Variants in DTNB observed in about 807,000 individuals in gnomAD.
The protein encoded by DTNB is dystrobrevin beta.
Under a neutral mutation model 90.7 loss-of-function variants are expected in DTNB, and 63 were observed. That is an observed-to-expected ratio of 0.69 (90% CI 0.57 to 0.86). The LOEUF (loss-of-function observed/expected upper bound fraction) is 0.86. Ranked by LOEUF, DTNB falls within the 40% of genes least tolerant of loss-of-function variation. The pLI is 0.00. For missense variants in DTNB, 744 were observed against 807.1 expected (o/e 0.92, Z 0.95); for synonymous variants, 277 against 286.7 (o/e 0.97, Z 0.34).
At chr2:25,417,755 T>C (rs2048328353) in intron 16 of DTNB, among the ~76,000 whole-genome samples, 1 of 152,116 alleles carries the variant, frequency 6.6e-6, no homozygotes, top group South Asian at 2.1e-4. Context: ...CCCTGGATCA[T>C]CAGGAAGGGA....
At chr2:25,402,674 G>A (rs751666167) in intron 16 of DTNB, among the ~76,000 whole-genome samples, 3 of 152,166 alleles carry the variant, frequency 2.0e-5, no homozygotes, top group Non-Finnish European at 2.9e-5. Context: ...TCCATATCAT[G>A]TCAGAAACCT....
At chr2:25,649,861 T>G (rs2080470812) in intron 2 of DTNB, 1 of 220,504 alleles carries the variant, frequency 4.5e-6, no homozygotes, top group Admixed American at 6.5e-5. Flanking sequence ...GAATAATGGC[T>G]GGAAAAAGGT....
intron 8 of DTNB, chr2:25,558,407 T>G: frequency 2.0e-6 from 2 of 985,320 alleles, no homozygotes; most frequent in Non-Finnish European, 2.4e-6. Context: ...CTGGTGGCCA[T>G]CTGCAAGAAC....
At chr2:25,651,411 C>T (rs961554590) in intron 2 of DTNB, among the ~76,000 whole-genome samples, 6 of 152,354 alleles carry the variant, frequency 3.9e-5, no homozygotes, top group Admixed American at 3.9e-4. Flanking sequence ...CAGATTCAAA[C>T]TCATGTACAT....
intron 9 of DTNB, among the ~76,000 whole-genome samples, chr2:25,492,975 TGCAGACA>T (rs1170630254): frequency 1.3e-5 from 2 of 152,236 alleles, no homozygotes; most frequent in Non-Finnish European, 2.9e-5. Context: ...TAGGAAGTCA[TGCAGACA>T]GCCACGTACT....
rs768355311 is a variant in DTNB, at chr2:25,387,426, A to C, written c.1736-48T>G. The C allele has an allele frequency of 1.1e-5, 17 of 1,572,110 alleles. No individual in the cohort carries two copies. Among genetic ancestry groups the C allele is most frequent in the Non-Finnish European group, 1.5e-5 (17 of 1,146,042 alleles). On this transcript the variant is annotated intron_variant, in intron 17 of 20. Transcript: ENST00000406818. The surrounding 1 kb of genome is among the most constrained non-coding windows in gnomAD (Gnocchi z 4.5). ...GGGATGCCAGGGTGGGTGAGCGTGG[A>C]GAAGAGACGGCTGAGCAAATGCCTC...
intron 9 of DTNB, among the ~76,000 whole-genome samples, chr2:25,526,395 A>ATATATATATATATATTTT: frequency 2.0e-4 from 10 of 49,828 alleles, no homozygotes; most frequent in African/African-American, 7.8e-4. Context: ...ATATATATAT[A>ATATATATATATATATTTT]TTTTTTTTTT....
chr2:25,573,580 T>G (rs1012961732), intron 8 of DTNB, among the ~76,000 whole-genome samples: 3 of 152,196 alleles, frequency 2.0e-5, no homozygotes, highest in Admixed American at 2.0e-4. Flanking sequence ...CTTTCTAAGC[T>G]CATCTCTATC....
chr2:25,423,421 C>T (rs1558461338), intron 15 of DTNB, among the ~76,000 whole-genome samples: 1 of 152,120 alleles, frequency 6.6e-6, no homozygotes, highest in African/African-American at 2.4e-5. Context: ...CTTATGTATG[C>T]TTCTTTAAAT....
At chr2:25,523,082 T>A (rs1043708459) in intron 9 of DTNB, among the ~76,000 whole-genome samples, 1 of 152,184 alleles carries the variant, frequency 6.6e-6, no homozygotes, top group African/African-American at 2.4e-5. Flanking sequence ...AAAGGAAATA[T>A]TGGTGAGCCT....
At chr2:25,483,992 A>G (rs2150396654) in intron 9 of DTNB, among the ~76,000 whole-genome samples, 1 of 152,348 alleles carries the variant, frequency 6.6e-6, no homozygotes, top group South Asian at 2.1e-4. Context: ...CATGTTGTAC[A>G]GGTTTGTAGC....
At chr2:25,470,291 G>A (rs1379973573) in intron 10 of DTNB, among the ~76,000 whole-genome samples, 1 of 151,794 alleles carries the variant, frequency 6.6e-6, no homozygotes, top group Non-Finnish European at 1.5e-5. Flanking sequence ...ACTTTAGTAA[G>A]GAAACCCTAG....
At chr2:25,410,973 T>G (rs2046447583) in intron 16 of DTNB, among the ~76,000 whole-genome samples, 1 of 151,124 alleles carries the variant, frequency 6.6e-6, no homozygotes, top group African/African-American at 2.4e-5. Context: ...TAACTGCTGC[T>G]AATCAGAATG....
At chr2:25,564,790 C>T (rs544409700) in intron 8 of DTNB, among the ~76,000 whole-genome samples, 6 of 152,164 alleles carry the variant, frequency 3.9e-5, no homozygotes, top group South Asian at 4.2e-4. Context: ...TGTAAATGAA[C>T]CTGTTTTCTT....
intron 10 of DTNB, among the ~76,000 whole-genome samples, chr2:25,462,262 G>T (rs1297058404): frequency 1.3e-5 from 2 of 152,140 alleles, no homozygotes; most frequent in Non-Finnish European, 2.9e-5. Context: ...CAAGCCATCA[G>T]GAGGCACATC....
chr2:25,393,705 TA>T (rs1195942791), intron 16 of DTNB, among the ~76,000 whole-genome samples: 1 of 152,146 alleles, frequency 6.6e-6, no homozygotes, highest in Non-Finnish European at 1.5e-5. Flanking sequence ...GAAAGACCTC[TA>T]TAAGGAAAAC....
intron 10 of DTNB, among the ~76,000 whole-genome samples, chr2:25,477,903 C>T (rs889130058): frequency 9.9e-5 from 15 of 151,800 alleles, no homozygotes; most frequent in African/African-American, 1.7e-4. Context: ...TTTTAGCCTA[C>T]GTTTTAGTTT....
At position 25,455,362 on chromosome 2, in the gene DTNB, C is replaced by T. The variant is rs1373991342; in HGVS notation, c.1169+43G>A. 3.9e-6 allele frequency: 6 copies of T among 1,535,844 alleles called. No homozygotes were observed. In the Admixed American group the frequency reaches 1.3e-4, roughly 32 times the overall value. ...CCAGGTAGCAAAGCTCTCCCTCCCTCTGATCACCCGTGGCTACCCACTGCT... is the reference window on the plus strand; with the variant it reads ...CCAGGTAGCAAAGCTCTCCCTCCCTTTGATCACCCGTGGCTACCCACTGCT... On this transcript the variant is annotated intron_variant, in intron 11 of 20. Coordinates refer to ENST00000406818, the MANE Select transcript of DTNB (RefSeq NM_021907.5).
intron 4 of DTNB, among the ~76,000 whole-genome samples, chr2:25,615,167 G>C (rs757075104): frequency 6.6e-6 from 1 of 152,164 alleles, no homozygotes; most frequent in African/African-American, 2.4e-5. Flanking sequence ...CAGATGAACA[G>C]TCAGATGGAG....
Sources: allele counts gnomAD v4.1 joint callset (sites outside exome capture counted in the v4.1 genomes callset), GRCh38; gene constraint gnomAD v4.1.1; non-coding constraint Gnocchi (gnomAD v3.1); transcripts MANE v1.5; gene names NCBI Gene and HGNC (gene_info 2026-07-23, HGNC 2026-07-21).